Variants in SLIT1 observed in about 807,000 individuals in gnomAD.
SLIT1 encodes the protein slit guidance ligand 1.
In SLIT1, 66 loss-of-function variants were observed where a neutral mutation model predicts 186.1. The ratio of observed to expected loss-of-function variants is 0.35; its 90% CI spans 0.29 to 0.44. SLIT1 has a LOEUF of 0.44. Among genes scored for constraint, SLIT1 ranks in the 20% least tolerant of loss-of-function variants. The pLI is 1.00. For missense variants in SLIT1, 1,638 were observed against 2,037.4 expected, an observed-to-expected ratio of 0.80 and a Z score of 3.77; for synonymous variants, 761 against 833.8, an observed-to-expected ratio of 0.91 and a Z score of 1.50.
chr10:97,131,333 A>C (rs1167277350), intron 4 of SLIT1, among the ~76,000 whole-genome samples: 1 of 152,224 alleles, frequency 6.6e-6, no homozygotes, highest in Admixed American at 6.5e-5. Context: ...AATTCAAACA[A>C]ATTCGCCTGG....
intron 4 of SLIT1, among the ~76,000 whole-genome samples, chr10:97,081,026 GCA>G (rs1490264408): frequency 6.6e-6 from 1 of 152,188 alleles, no homozygotes; most frequent in Non-Finnish European, 1.5e-5. Flanking sequence ...TTTGAAGAAT[GCA>G]CAGTCTACGC....
chr10:97,185,339 C>T, intron 1 of SLIT1, 139 bp downstream of exon 1: 1 of 797,916 alleles, frequency 1.3e-6, no homozygotes, highest in South Asian at 1.8e-5. Flanking sequence ...GGAAAGACCC[C>T]GGCAGGCACT....
intron 1 of SLIT1, among the ~76,000 whole-genome samples, chr10:97,169,936 T>G (rs1233110528): frequency 6.6e-6 from 1 of 152,252 alleles, no homozygotes; most frequent in African/African-American, 2.4e-5. Flanking sequence ...TGATTCCATG[T>G]TCTGTCTCCT....
chr10:97,184,018 C>CCACACACACACACA lies in SLIT1; in HGVS notation c.197+1446_197+1459dup, dbSNP rs36000443. ...ATTCACACACACACATACACATGCACCACACACACACACACACACACACAC... is the reference window on the plus strand; with the variant it reads ...ATTCACACACACACATACACATGCACCACACACACACACACACACACACACACACACACACACAC... On this transcript the variant is annotated intron_variant, in intron 1 of 36. Transcript: ENST00000266058. The surrounding 1 kb of genome is among the most constrained non-coding windows in gnomAD (Gnocchi z 4.4). Among the ~76,000 whole-genome samples, 11 of 142,588 alleles carry CCACACACACACACA rather than the reference C, an allele frequency of 7.7e-5. No homozygotes were observed. The highest frequency in any genetic ancestry group is 3.6e-3 in the Middle Eastern group (1 of 280). The allele number at this position is 142,588 out of a possible 152,430, so 93.5% of individuals were successfully genotyped here.
At chr10:97,109,837 C>G (rs34113615) in intron 4 of SLIT1, among the ~76,000 whole-genome samples, 1 of 152,124 alleles carries the variant, frequency 6.6e-6, no homozygotes, top group Admixed American at 6.5e-5. Flanking sequence ...TGGGTGCAAG[C>G]TGAGCCAGCG....
rs565877160 is a variant in SLIT1, at chr10:97,078,824, C to T, written c.414-12738G>A. On this transcript the variant is annotated intron_variant, in intron 4 of 36. Coordinates refer to ENST00000266058, the MANE Select transcript of SLIT1 (RefSeq NM_003061.3). ...GGCTTACTCAACACCAGGTGCTGGG[C>T]GCGGAGACCTTGGAGGCCCCTGGTG... 2.0e-4 allele frequency among the ~76,000 whole-genome samples: 31 copies of T among 152,302 alleles called. No homozygotes were observed. The South Asian group carries it at 3.9e-3, about 19-fold the overall frequency.
At chr10:97,094,253 G>A (rs1215012857) in intron 4 of SLIT1, among the ~76,000 whole-genome samples, 4 of 152,214 alleles carry the variant, frequency 2.6e-5, no homozygotes, top group Non-Finnish European at 4.4e-5. Flanking sequence ...AGGCCATAGG[G>A]GACCTTTGTG....
intron 4 of SLIT1, among the ~76,000 whole-genome samples, chr10:97,075,145 C>T (rs749316122): frequency 3.3e-5 from 5 of 152,186 alleles, no homozygotes; most frequent in African/African-American, 9.7e-5. Flanking sequence ...CCCTGCAGCC[C>T]GAGTGGTTAC....
At chr10:97,144,229 T>C (rs1849794579) in intron 4 of SLIT1, among the ~76,000 whole-genome samples, 1 of 151,680 alleles carries the variant, frequency 6.6e-6, no homozygotes, top group Non-Finnish European at 1.5e-5. Context: ...TAAGCAGAGA[T>C]CTATTCCAGT....
intron 22 of SLIT1, among the ~76,000 whole-genome samples, chr10:97,037,198 G>A (rs1245160097): frequency 5.3e-5 from 8 of 151,918 alleles, no homozygotes; most frequent in Non-Finnish European, 7.4e-5. Context: ...GGGTTCAAGC[G>A]ATTCTCCTAC....
intron 1 of SLIT1, among the ~76,000 whole-genome samples, chr10:97,180,722 A>T (rs1850325044): frequency 6.6e-6 from 1 of 152,226 alleles, no homozygotes; most frequent in Non-Finnish European, 1.5e-5. Flanking sequence ...GGAAAGGGGC[A>T]GAGATGCCCA....
chr10:97,127,749 G>A (rs1331186207), intron 4 of SLIT1, among the ~76,000 whole-genome samples: 3 of 152,156 alleles, frequency 2.0e-5, no homozygotes, highest in Non-Finnish European at 4.4e-5. Context: ...AAAGCACAGC[G>A]GAGAAACCAG....
chr10:97,039,434 G>C (rs1848670159), intron 21 of SLIT1, among the ~76,000 whole-genome samples: 1 of 152,210 alleles, frequency 6.6e-6, no homozygotes, highest in African/African-American at 2.4e-5. Flanking sequence ...GTCAATGGGA[G>C]TGCAAAGGAA....
rs778812249 is a variant in SLIT1 at position 97,006,758 on chromosome 10, G to A, written c.3342-38C>T. ...GACATAAGTCAGAGAGGGCCAAGGA[G>A]GAAGGGAGTATCTTCCTCTCCCACA... On this transcript the variant is annotated intron_variant, in intron 31 of 36. Transcript: ENST00000266058. This position sits in a 1 kb window ranked among gnomAD's most constrained non-coding sequence, Gnocchi z 4.0. The A allele has an allele frequency of 2.1e-6, 3 of 1,425,172 alleles. No homozygotes were observed. Among genetic ancestry groups the A allele is most frequent in the East Asian group, 2.3e-5 (1 of 43,536 alleles). 88.3% of individuals were successfully genotyped at this position (1,425,172 alleles called of 1,614,324 possible).
At chr10:97,144,240 TAAGAATTC>T (rs1849794707) in intron 4 of SLIT1, among the ~76,000 whole-genome samples, 1 of 151,916 alleles carries the variant, frequency 6.6e-6, no homozygotes, top group African/African-American at 2.4e-5. Flanking sequence ...CTATTCCAGT[TAAGAATTC>T]ATGAAAAAGG....
At chr10:97,030,541 C>T (rs530940407) in intron 25 of SLIT1, among the ~76,000 whole-genome samples, 2 of 152,352 alleles carry the variant, frequency 1.3e-5, no homozygotes, top group South Asian at 4.1e-4. Context: ...TGACAACCTT[C>T]ACTACCGCTT....
chr10:97,182,602 C>T (rs1162936816), intron 1 of SLIT1, among the ~76,000 whole-genome samples: 5 of 152,350 alleles, frequency 3.3e-5, no homozygotes, highest in Middle Eastern at 3.4e-3. Context: ...AAGATCAGAC[C>T]TGCTCCACTT....
rs1345905263 is a variant in SLIT1, at chr10:96,998,247, T to TTGAC, written c.*2861_*2864dup. ...GAAAGGCAAAACAAGACGCTGGATG[T>TTGAC]TGACTTTAACATATAAAAATACTGT... On this transcript the variant is annotated 3_prime_UTR_variant, in exon 37 of 37. Coordinates refer to ENST00000266058, the MANE Select transcript of SLIT1 (RefSeq NM_003061.3). The TTGAC allele has an allele frequency of 6.6e-6, 1 of 152,242 alleles. No individual in the cohort carries two copies. The highest frequency in any genetic ancestry group is 1.5e-5 in the Non-Finnish European group (1 of 68,054). The allele number at this position is 152,242 out of a possible 1,614,324, so 9.4% of individuals were successfully genotyped here.
chr10:97,073,078 C>T (rs1438554821), intron 4 of SLIT1, among the ~76,000 whole-genome samples: 2 of 152,330 alleles, frequency 1.3e-5, no homozygotes, highest in African/African-American at 2.4e-5. Flanking sequence ...TCAACCACAT[C>T]GCAAACTAGC....
Sources: gnomAD v4.1 joint callset for allele counts (sites outside exome capture counted in the v4.1 genomes callset) on GRCh38, gnomAD v4.1.1 for gene constraint, Gnocchi (gnomAD v3.1) non-coding constraint, MANE v1.5 for transcripts, NCBI Gene and HGNC (gene_info 2026-07-23, HGNC 2026-07-21) for gene names.